MUS81: variants seen among roughly 807,000 people sequenced by gnomAD.
MUS81 encodes structure-specific endonuclease subunit MUS81.
In MUS81, 69 loss-of-function variants were observed where a neutral mutation model predicts 74.2. The observed-to-expected ratio is 0.93, with a 90% CI of 0.77 to 1.14. The LOEUF is 1.14. MUS81 is among the 50% of genes most tolerant of loss of function. MUS81 has a pLI of 0.00. For missense variants in MUS81, 711 were observed against 726.5 expected (o/e 0.98, Z 0.25); for synonymous variants, 303 against 300.6 (o/e 1.01, Z -0.08).
At position 65,861,950 on chromosome 11, in the gene MUS81, C is replaced by T; in HGVS notation, c.355C>T (p.Pro119Ser). 6.2e-7 allele frequency: 1 copy of T among 1,607,758 alleles called. No individual in the cohort carries two copies. Among genetic ancestry groups the T allele is most frequent in the Non-Finnish European group, 8.5e-7 (1 of 1,177,460 alleles). ...AEVQDSSMPV[P>S]AQPKAGGSGS... ...AGAACTCCTCTGTACCTTTCAGGTT[C>T]CTGCCCAGCCCAAAGCGGGAGGCTC... Residue 119 changes from proline (P) to serine (S), a missense_variant, in exon 4 of 16, where the codon CCT becomes TCT. Transcript: ENST00000308110.
At chr11:65,864,041 C>T in intron 10 of MUS81, 140 bp downstream of exon 10, 1 of 806,968 alleles carries the variant, frequency 1.2e-6, no homozygotes, top group Non-Finnish European at 2.0e-6. Flanking sequence ...GTGGCTGCTC[C>T]AGGATCAGAC....
At chr11:65,867,165 G>T (rs1565272238), downstream of MUS81, 2 of 1,561,182 alleles carry the variant, frequency 1.3e-6, no homozygotes, top group Non-Finnish European at 1.8e-6. Flanking sequence ...CTGCCCCGTG[G>T]CCGTGAGGCA....
In MUS81 at chr11:65,861,345, C is replaced by T; in HGVS notation, c.266-5C>T. 1 of 1,588,442 alleles carries T rather than the reference C, an allele frequency of 6.3e-7. No homozygotes were observed. Among genetic ancestry groups the T allele is most frequent in the Non-Finnish European group, 8.6e-7 (1 of 1,165,334 alleles). ...GTGTGGAGTTAACTCTTTTCTCTCC[C>T]GCAGGTGACCATGCCCCGGACTCAC... On this transcript the variant is annotated splice_region_variant and splice_polypyrimidine_tract_variant and intron_variant, in intron 2 of 15. Coordinates refer to ENST00000308110, the MANE Select transcript of MUS81 (RefSeq NM_025128.5).
chr11:65,865,151 GTC>G lies in MUS81; in HGVS notation c.1401+10_1401+11del. 6.2e-7 allele frequency: 1 copy of G among 1,614,222 alleles called. No individual in the cohort carries two copies. Among genetic ancestry groups the G allele is most frequent in the South Asian group, 1.1e-5 (1 of 91,088 alleles). On this transcript the variant is annotated splice_region_variant and intron_variant, in intron 13 of 15. Transcript: ENST00000308110. The stretch of plus-strand genomic sequence containing the variant: ...CAGGAGCCATCAAGAATAAGGTACT[GTC>G]TCTGCCTAGCTTCTCAGACATGGCC...
chr11:65,867,254 CAG>C, downstream of MUS81: 2 of 691,610 alleles, frequency 2.9e-6, no homozygotes, highest in Non-Finnish European at 4.9e-6. Context: ...CCTCCCCACC[CAG>C]GCTCCTGCCC....
rs1859678477 is a variant in MUS81, at chr11:65,863,158, G to GC, written c.704dup (p.Gly236TrpfsTer17). ...TGAATGTGGGCATCGGGCCCAAGGA[G>GC]CCCCCTGGGGAGGAGACAGCAGTGC... On this transcript the variant is annotated frameshift_variant, in exon 7 of 16. Coordinates refer to ENST00000308110, the MANE Select transcript of MUS81 (RefSeq NM_025128.5). LOFTEE classifies it high-confidence loss of function. 6.2e-7 allele frequency: 1 copy of GC among 1,613,912 alleles called. No individual in the cohort carries two copies. Among genetic ancestry groups the GC allele is most frequent in the Non-Finnish European group, 8.5e-7 (1 of 1,179,986 alleles).
chr11:65,864,760 A>C lies in MUS81; in HGVS notation c.1217A>C (p.Lys406Thr). ...TTTGTGAAGCGCACAGCAGACATTAAGGAGTCAGCCGCCTACCTGGCCCTC... is the reference window on the plus strand; with the variant it reads ...TTTGTGAAGCGCACAGCAGACATTACGGAGTCAGCCGCCTACCTGGCCCTC... ...GFFVKRTADI[K>T]ESAAYLALLT... Residue 406 changes from lysine (K) to threonine (T), a missense_variant, in exon 12 of 16, where the codon AAG becomes ACG. By Grantham distance (78) the Lys-to-Thr change is moderately conservative (BLOSUM62 -1). Transcript: ENST00000308110. 6.2e-7 allele frequency: 1 copy of C among 1,614,040 alleles called. No individual in the cohort carries two copies. The highest frequency in any genetic ancestry group is 1.7e-5 in the Admixed American group (1 of 60,028).
In MUS81 at chr11:65,860,794, C is replaced by G. The variant is rs1565263922; in HGVS notation, c.41C>G (p.Pro14Arg). ...PVRLGRKRPL[P>R]ACPNPLFVRW... ...CGCCTGGGCCGGAAGCGCCCGCTGCCTGCCTGTCCCAACCCGCTCTTCGTT... is the reference window on the plus strand; with the variant it reads ...CGCCTGGGCCGGAAGCGCCCGCTGCGTGCCTGTCCCAACCCGCTCTTCGTT... The change falls in exon 1 of 16, where the codon CCT (proline) becomes CGT (arginine). Residue 14 changes from proline (P) to arginine (R), a missense_variant. By Grantham distance (103) the Pro-to-Arg change is moderately radical. Transcript: ENST00000308110. 6.5e-7 allele frequency: 1 copy of G among 1,541,568 alleles called. No individual in the cohort carries two copies. Among genetic ancestry groups the G allele is most frequent in the South Asian group, 1.2e-5 (1 of 84,276 alleles).
chr11:65,864,953 G>A, intron 12 of MUS81, 64 bp from the exon 13 acceptor site: 4 of 1,602,876 alleles, frequency 2.5e-6, no homozygotes, highest in Non-Finnish European at 3.4e-6. Context: ...CTGAGGACTG[G>A]GCAGGGGCTG....
intron 3 of MUS81, 87 bp from the exon 4 acceptor site, chr11:65,861,860 A>G: frequency 9.8e-7 from 1 of 1,023,670 alleles, no homozygotes; most frequent in Non-Finnish European, 1.4e-6. Context: ...CAACTGAGTG[A>G]CTTACCCAGG....
At chr11:65,865,355 G>A in intron 14 of MUS81, 32 bp downstream of exon 14, 3 of 1,589,186 alleles carry the variant, frequency 1.9e-6, no homozygotes, top group Non-Finnish European at 2.6e-6. Context: ...GGTGTCCTCA[G>A]CCCCTGCCCT....
At chr11:65,863,746 A>G (rs756023037) in intron 9 of MUS81, 25 bp downstream of exon 9, 1 of 1,614,080 alleles carries the variant, frequency 6.2e-7, no homozygotes, top group Non-Finnish European at 8.5e-7. Flanking sequence ...ACAGGCTGGC[A>G]CCAGGGGCAG....
rs187081808 is a variant in MUS81 at position 65,861,802 on chromosome 11, G to A, written c.352-145G>A. 8.9e-4 allele frequency: 612 copies of A among 686,994 alleles called. 5 individuals carry two copies. The African/African-American group carries it at 0.01, about 11-fold the overall frequency. The allele number at this position is 686,994 out of a possible 1,614,324, so 42.6% of individuals were successfully genotyped here. On this transcript the variant is annotated intron_variant, in intron 3 of 15. Transcript: ENST00000308110. ...TGCTGTTTTATCCCAGATTTGCAGC[G>A]GATCATCCCATCACCTGGCCCATTT...
chr11:65,867,060 G>A, downstream of MUS81: 1 of 1,614,116 alleles, frequency 6.2e-7, no homozygotes, highest in Non-Finnish European at 8.5e-7. Context: ...GACCAGCATG[G>A]CGCTGACGTT....
chr11:65,866,965 T>C (rs1357108285), downstream of MUS81: 1 of 1,614,060 alleles, frequency 6.2e-7, no homozygotes, highest in African/African-American at 1.3e-5. Context: ...AGTACAGAGC[T>C]GGCCCGGTAG....
downstream of MUS81, chr11:65,866,467 GA>G (rs1260957334): frequency 5.7e-6 from 4 of 701,582 alleles, no homozygotes; most frequent in Non-Finnish European, 1.0e-5. Flanking sequence ...TCGTTTTATA[GA>G]AAAACAGGCC....
rs773045187 is a variant in MUS81, at chr11:65,863,784, A to G, written c.962-20A>G. The G allele has an allele frequency of 6.2e-7, 1 of 1,614,004 alleles. No individual in the cohort carries two copies. Among genetic ancestry groups the G allele is most frequent in the Non-Finnish European group, 8.5e-7 (1 of 1,179,998 alleles). ...CCTGGTGGGTAGGGGATCGCAAGCT[A>G]ACGGCTGGCTTGTCAGCAGCAAACC... On this transcript the variant is annotated intron_variant, in intron 9 of 15. Transcript: ENST00000308110.
chr11:65,867,148 C>T, downstream of MUS81: 4 of 1,594,508 alleles, frequency 2.5e-6, no homozygotes, highest in South Asian at 3.3e-5. Flanking sequence ...GCCCCAGCGT[C>T]ACCTCCCTGC....
rs202144678 is a variant in MUS81, at chr11:65,863,110, C to T, written c.651C>T (p.Ala217=). The change falls in exon 7 of 16, where the codon GCC becomes GCT. Residue 217 remains alanine (A), a synonymous_variant. Coordinates refer to ENST00000308110, the MANE Select transcript of MUS81 (RefSeq NM_025128.5). Reference sequence around the variant, plus strand: ...GCCTGGAGCTGGCCCAGAAGTTGGCCGAGTCAGAAGGCCTGAGCTTGCTGA... The same window carrying T: ...GCCTGGAGCTGGCCCAGAAGTTGGCTGAGTCAGAAGGCCTGAGCTTGCTGA... ...PEGLELAQKL[A]ESEGLSLLNV... 8.4e-5 allele frequency: 136 copies of T among 1,614,006 alleles called. No individual in the cohort carries two copies. The highest frequency in any genetic ancestry group is 1.6e-4 in the Middle Eastern group (1 of 6,074).
Sources: allele counts gnomAD v4.1 joint callset, GRCh38; gene constraint gnomAD v4.1.1; transcripts MANE v1.5; gene names NCBI Gene and HGNC (gene_info 2026-07-23, HGNC 2026-07-21).